The following CDS2 variants were observed in gnomAD, a reference collection of about 807,000 sequenced individuals.
CDS2 encodes the protein phosphatidate cytidylyltransferase 2.
CDS2 carries 47 observed loss-of-function variants against 59.0 expected under a neutral mutation model. The ratio of observed to expected loss-of-function variants is 0.80; its 90% CI spans 0.63 to 1.02. CDS2 has a LOEUF of 1.02. CDS2 is among the 50% of genes least tolerant of loss of function. CDS2 has a pLI of 0.00. For missense variants in CDS2, 356 were observed against 558.9 expected, an observed-to-expected ratio of 0.64 and a Z score of 3.66; for synonymous variants, 207 against 206.4, an observed-to-expected ratio of 1.00 and a Z score of -0.02.
At chr20:5,162,912 C>T (rs1037408158) in intron 1 of CDS2, among the ~76,000 whole-genome samples, 2 of 152,160 alleles carry the variant, frequency 1.3e-5, no homozygotes, top group African/African-American at 4.8e-5. Context: ...AAGATGAAGG[C>T]AGGGGAATCT....
At chr20:5,154,631 A>G (rs1456992921) in intron 1 of CDS2, among the ~76,000 whole-genome samples, 1 of 141,144 alleles carries the variant, frequency 7.1e-6, no homozygotes, top group Non-Finnish European at 1.6e-5. Context: ...CACAAAGGAC[A>G]GATGTCTTTT....
intron 1 of CDS2, among the ~76,000 whole-genome samples, chr20:5,135,861 G>T (rs141519807): frequency 1.2e-4 from 18 of 152,248 alleles, no homozygotes; most frequent in African/African-American, 4.1e-4. Context: ...CTCTCCCCAG[G>T]GACAGCCTCA....
chr20:5,155,151 G>A (rs1025002532), intron 1 of CDS2, among the ~76,000 whole-genome samples: 1 of 152,188 alleles, frequency 6.6e-6, no homozygotes, highest in African/African-American at 2.4e-5. Flanking sequence ...TCCATTTTAT[G>A]GTGGTTCCTT....
At chr20:5,185,663 G>T in intron 8 of CDS2, 95 bp from the exon 9 acceptor site, 2 of 1,116,480 alleles carry the variant, frequency 1.8e-6, no homozygotes, top group Non-Finnish European at 2.7e-6. Flanking sequence ...AGAGAATGGG[G>T]TTTTATGAAA....
rs751711090 is a variant in CDS2 at position 5,189,080 on chromosome 20, T to A, written c.995T>A (p.Met332Lys). ...TACTCTTCTCAGAAAACGGTCCGGA[T>A]GTACCCCTTCCAGATTCACAGCATC... ...QSVIGWKTVRMYPFQIHSIAL... is the reference protein window; with the variant it reads ...QSVIGWKTVRKYPFQIHSIAL... Residue 332 changes from methionine to lysine, a missense_variant, in exon 11 of 13, where the codon ATG (methionine) becomes AAG (lysine). Met to Lys is a moderately conservative substitution (Grantham distance 95, BLOSUM62 -1). This residue lies in a region of CDS2 where 88 missense variants were observed against 103.6 expected (regional missense o/e 0.85). Transcript: ENST00000460006. 6.2e-7 allele frequency: 1 copy of A among 1,614,200 alleles called. No homozygotes were observed. The highest frequency in any genetic ancestry group is 1.6e-4 in the Middle Eastern group (1 of 6,062).
intron 5 of CDS2, among the ~76,000 whole-genome samples, chr20:5,179,249 G>A (rs1482297638): frequency 5.3e-5 from 8 of 151,856 alleles, no homozygotes; most frequent in African/African-American, 1.7e-4. Context: ...AGGTCCCGAA[G>A]TAGCTGGGAC....
At chr20:5,174,283 G>A (rs1451651986) in intron 2 of CDS2, among the ~76,000 whole-genome samples, 1 of 152,162 alleles carries the variant, frequency 6.6e-6, no homozygotes, top group Non-Finnish European at 1.5e-5. Context: ...AGTCTGAATT[G>A]TGCAGTGGTT....
chr20:5,173,631 A>G lies in CDS2; in HGVS notation c.166A>G (p.Asn56Asp), dbSNP rs1221889538. ...VSADDTPEVL[N>D]RALSNLSSRW... ...TGCAGATGATACCCCGGAGGTCCTC[A>G]ATAGGGCCCTTTCCAACTTGTCTTC... The change falls in exon 2 of 13, where the codon AAT (asparagine) becomes GAT (aspartate). Residue 56 changes from asparagine to aspartate, a missense_variant. By Grantham distance (23) the Asn-to-Asp change is conservative. Transcript: ENST00000460006. The G allele has an allele frequency of 6.2e-7, 1 of 1,614,074 alleles. No individual in the cohort carries two copies. Among genetic ancestry groups the G allele is most frequent in the Non-Finnish European group, 8.5e-7 (1 of 1,180,030 alleles).
In CDS2 at chr20:5,151,750, CTTTTTTTTTTTTTTTTTT is replaced by C. The variant is rs57378947; in HGVS notation, c.58-21759_58-21742del. On this transcript the variant is annotated intron_variant, in intron 1 of 12. Transcript: ENST00000460006. ...ACCATGCCTGGCCTAGACTCCATGT[CTTTTTTTTTTTTTTTTTT>C]TTTTTTTTTTTTTGAGACGGAGTTT... Among the ~76,000 whole-genome samples the C allele has an allele frequency of 7.6e-3, 403 of 53,220 alleles. 2 individuals carry two copies. The highest frequency in any genetic ancestry group is 0.025 in the South Asian group (25 of 984). The allele number at this position is 53,220 out of a possible 152,430, so 34.9% of individuals were successfully genotyped here. A position where few individuals can be genotyped will look rare whatever the true frequency, so the allele number is the denominator to read the frequency against.
At chr20:5,143,032 CAG>C (rs1156718559) in intron 1 of CDS2, among the ~76,000 whole-genome samples, 3 of 151,924 alleles carry the variant, frequency 2.0e-5, no homozygotes, top group Admixed American at 2.0e-4. Flanking sequence ...TTTGTAGAAA[CAG>C]AGTCTCACTA....
Position 5,185,788 on chromosome 20 carries a change from A to C in CDS2, c.790A>C (p.Ile264Leu), listed in dbSNP as rs758377160. The C allele has an allele frequency of 1.2e-6, 2 of 1,614,200 alleles. No homozygotes were observed. Among genetic ancestry groups the C allele is most frequent in the Admixed American group, 1.7e-5 (1 of 60,024 alleles). Residue 264 changes from isoleucine to leucine, a missense_variant, in exon 9 of 13, where the codon ATT (isoleucine) becomes CTT (leucine). By Grantham distance (5) the Ile-to-Leu change is conservative. Transcript: ENST00000460006. ...LSPKKTWEGF[I>L]GGFFATVVFG... ...CCCGAAGAAGACCTGGGAAGGCTTCATTGGGGGCTTCTTTGCTACTGTGGT... is the reference window on the plus strand; with the variant it reads ...CCCGAAGAAGACCTGGGAAGGCTTCCTTGGGGGCTTCTTTGCTACTGTGGT...
Position 5,190,177 on chromosome 20 carries a change from G to T in CDS2, c.1281G>T (p.Thr427=). 1 of 1,613,934 alleles carries T rather than the reference G, an allele frequency of 6.2e-7. No homozygotes were observed. Among genetic ancestry groups the T allele is most frequent in the Non-Finnish European group, 8.5e-7 (1 of 1,179,930 alleles). Residue 427 remains threonine (T), a synonymous_variant, in exon 13 of 13, where the codon ACG becomes ACT. Coordinates refer to ENST00000460006, the MANE Select transcript of CDS2 (RefSeq NM_003818.4). ...RPDQQLHIFN[T]LRSHLIDKGM... is the part of the protein sequence containing the mutation. ...ATCAGCAGCTCCACATCTTCAACAC[G>T]CTGCGGTCTCATCTGATCGACAAAG...
At chr20:5,157,676 C>G (rs955509014) in intron 1 of CDS2, among the ~76,000 whole-genome samples, 2 of 152,186 alleles carry the variant, frequency 1.3e-5, no homozygotes, top group African/African-American at 4.8e-5. Flanking sequence ...TCCAGGGCTT[C>G]TCACTGAGTC....
chr20:5,158,269 A>G (rs560607196), intron 1 of CDS2, among the ~76,000 whole-genome samples: 3 of 151,372 alleles, frequency 2.0e-5, no homozygotes, highest in South Asian at 2.1e-4. Flanking sequence ...TCTCGAGATC[A>G]AGTGATTCTC....
intron 4 of CDS2, among the ~76,000 whole-genome samples, chr20:5,177,265 C>G (rs765590273): frequency 6.6e-6 from 1 of 152,050 alleles, no homozygotes; most frequent in East Asian, 2.0e-4. Context: ...GTTCTGCTGC[C>G]GGCTTTGCTT....
rs1302552922 is a variant in CDS2 at position 5,186,776 on chromosome 20, C to G, written c.918C>G (p.Pro306=). 2 of 1,614,030 alleles carry G rather than the reference C, an allele frequency of 1.2e-6. No individual in the cohort carries two copies. The highest frequency in any genetic ancestry group is 4.5e-5 in the East Asian group (2 of 44,892). Residue 306 remains proline, a synonymous_variant, in exon 10 of 13, where the codon CCC becomes CCG. Transcript: ENST00000460006. ...DTNSFTVDCE[P]SDLFRLQEYN... is the part of the protein sequence containing the mutation. ...ACAGCTTCACTGTGGACTGTGAGCC[C>G]TCGGACCTGTTTCGCCTGCAGGAGT...
intron 3 of CDS2, chr20:5,176,093 G>C (rs2090992982): frequency 6.5e-6 from 1 of 153,824 alleles, no homozygotes; most frequent in African/African-American, 2.4e-5. Flanking sequence ...GGAGGTTCTA[G>C]AATAAAAAGT....
At chr20:5,127,784 T>C (rs2122930536) in intron 1 of CDS2, among the ~76,000 whole-genome samples, 1 of 151,852 alleles carries the variant, frequency 6.6e-6, no homozygotes, top group African/African-American at 2.4e-5. Flanking sequence ...AAGGAGGCCA[T>C]CTTGGCGGGG....
chr20:5,138,217 G>T (rs925742125), intron 1 of CDS2, among the ~76,000 whole-genome samples: 9 of 150,806 alleles, frequency 6.0e-5, no homozygotes, highest in Non-Finnish European at 8.8e-5. Context: ...CTCCTAAAGT[G>T]CTGGGATTAC....
Sources: gnomAD v4.1 joint callset for allele counts (sites outside exome capture counted in the v4.1 genomes callset) on GRCh38, gnomAD v4.1.1 for gene constraint, gnomAD v4.1.1 regional missense constraint, MANE v1.5 for transcripts, NCBI Gene and HGNC (gene_info 2026-07-23, HGNC 2026-07-21) for gene names.